Variants in KIRREL3 observed in about 807,000 individuals in gnomAD.
KIRREL3 encodes the protein kin of IRRE-like protein 3.
Under a neutral mutation model 89.7 loss-of-function variants are expected in KIRREL3, and 36 were observed. The ratio of observed to expected loss-of-function variants is 0.40; its 90% CI spans 0.31 to 0.53. The LOEUF is 0.53. KIRREL3 is among the 20% of genes least tolerant of loss of function. The probability of loss-of-function intolerance (pLI) is 0.49; values close to 1 mark genes in which losing one functional copy is unlikely to be tolerated. For synonymous variants in KIRREL3, 445 were observed against 441.4 expected (o/e 1.01, Z -0.10); for missense variants, 864 against 1,056.6 (o/e 0.82, Z 2.53).
intron 9 of KIRREL3, 38 bp from the exon 10 acceptor site, chr11:126,445,143 G>A (rs372996045): frequency 1.5e-4 from 239 of 1,609,568 alleles, no homozygotes; most frequent in Non-Finnish European, 1.8e-4. Context: ...AAGAGCAGGC[G>A]GAGGGGTGCA....
At chr11:126,552,516 C>G (rs141374662) in intron 2 of KIRREL3, among the ~76,000 whole-genome samples, 6 of 145,670 alleles carry the variant, frequency 4.1e-5, no homozygotes, top group African/African-American at 1.5e-4. Flanking sequence ...GCCCTGGTCC[C>G]GGGATCACTG....
chr11:126,444,847 G>C, intron 10 of KIRREL3, 132 bp downstream of exon 10: 1 of 1,218,840 alleles, frequency 8.2e-7, no homozygotes, highest in African/African-American at 1.5e-5. Flanking sequence ...CCTAATTGTT[G>C]TCTACCCATA....
chr11:126,444,530 T>C lies in KIRREL3; in HGVS notation c.1252+449A>G, dbSNP rs992310804. Among the ~76,000 whole-genome samples the C allele has an allele frequency of 5.9e-5, 9 of 152,104 alleles. No individual in the cohort carries two copies. The East Asian group carries it at 1.6e-3, about 26-fold the overall frequency. On this transcript the variant is annotated intron_variant, in intron 10 of 16. Transcript: ENST00000525144. The stretch of plus-strand genomic sequence containing the variant: ...GTCCCAGCTACTCAGGAAGGTGAGG[T>C]TGCAGTGAGCTGAGATCGTGCCACT...
In KIRREL3 at chr11:126,918,754, A is replaced by C. The variant is rs7928271; in HGVS notation, c.55+81701T>G. 0.072 allele frequency among the ~76,000 whole-genome samples: 10,959 copies of C among 152,234 alleles called. 485 individuals carry two copies. The highest frequency in any genetic ancestry group is 0.12 in the Middle Eastern group (35 of 294). ...AAAATCTTTTCCTGCATTGGATGCC[A>C]GGCAGCCATTGTAATCAATTGCAGG... is the stretch of plus-strand genomic sequence containing the variant. On this transcript the variant is annotated intron_variant, in intron 1 of 16. Coordinates refer to ENST00000525144, the MANE Select transcript of KIRREL3 (RefSeq NM_032531.4). This position sits in a 1 kb window ranked among gnomAD's most constrained non-coding sequence, Gnocchi z 6.5.
rs34526435 is a variant in KIRREL3, at chr11:126,785,872, C to CAAAAA, written c.55+214578_55+214582dup. 3.4e-4 allele frequency among the ~76,000 whole-genome samples: 13 copies of CAAAAA among 37,814 alleles called. No individual in the cohort carries two copies. The South Asian group carries it at 5.5e-3, about 16-fold the overall frequency. 24.8% of individuals were successfully genotyped at this position (37,814 alleles called of 152,430 possible). A position where few individuals can be genotyped will look rare whatever the true frequency, so the allele number is the denominator to read the frequency against. The stretch of plus-strand genomic sequence containing the variant: ...CTGGTGACACAGCGAGACTCCGTCT[C>CAAAAA]AAAAAAAAAAAAAAAAAAAAAAAAA... On this transcript the variant is annotated intron_variant, in intron 1 of 16. Coordinates refer to ENST00000525144, the MANE Select transcript of KIRREL3 (RefSeq NM_032531.4).
At chr11:126,932,376 G>C (rs527975820) in intron 1 of KIRREL3, among the ~76,000 whole-genome samples, 1 of 151,878 alleles carries the variant, frequency 6.6e-6, no homozygotes, top group Admixed American at 6.6e-5. Flanking sequence ...AAAGGGCAAA[G>C]CTCAATGCAT....
intron 1 of KIRREL3, among the ~76,000 whole-genome samples, chr11:126,925,301 C>T (rs1200044520): frequency 1.3e-5 from 2 of 152,202 alleles, no homozygotes; most frequent in East Asian, 3.9e-4. Flanking sequence ...CAGGCACACG[C>T]ATGAGGCAGC....
chr11:126,852,349 G>A (rs773611874), intron 1 of KIRREL3, among the ~76,000 whole-genome samples: 2 of 152,144 alleles, frequency 1.3e-5, no homozygotes, highest in Non-Finnish European at 2.9e-5. Context: ...ACCAGCGCCC[G>A]GCCGATCATG....
rs1949835544 is a variant in KIRREL3, at chr11:126,985,428, A to G, written c.55+15027T>C. On this transcript the variant is annotated intron_variant, in intron 1 of 16. Transcript: ENST00000525144. This position sits in a 1 kb window ranked among gnomAD's most constrained non-coding sequence, Gnocchi z 5.3. ...GAAACACTCCATGTGGATAAATCAT[A>G]GTAAGAGCCACAAAAGGCTTCCTGG... Among the ~76,000 whole-genome samples, 2 of 152,202 alleles carry G rather than the reference A, an allele frequency of 1.3e-5. No individual in the cohort carries two copies. Among genetic ancestry groups the G allele is most frequent in the South Asian group, 2.1e-4 (1 of 4,822 alleles).
rs766340819 is a variant in KIRREL3 at position 126,489,669 on chromosome 11, T to A, written c.434-16203A>T. Among the ~76,000 whole-genome samples, 6 of 152,112 alleles carry A rather than the reference T, an allele frequency of 3.9e-5. No homozygotes were observed. Among genetic ancestry groups the A allele is most frequent in the Admixed American group, 2.0e-4 (3 of 15,272 alleles). On this transcript the variant is annotated intron_variant, in intron 4 of 16. Transcript: ENST00000525144. This position sits in a 1 kb window ranked among gnomAD's most constrained non-coding sequence, Gnocchi z 5.5. The stretch of plus-strand genomic sequence containing the variant: ...GACCTTGGACGTGCCCCTTCCCCTC[T>A]GCATTCCCCACTCTCCACCTTCCAC...
intron 1 of KIRREL3, among the ~76,000 whole-genome samples, chr11:126,757,080 A>G (rs773272674): frequency 2.6e-5 from 4 of 152,206 alleles, no homozygotes; most frequent in Non-Finnish European, 5.9e-5. Context: ...GAGCATTGGC[A>G]ATCAAGCATA....
chr11:126,852,021 C>A (rs1336755323), intron 1 of KIRREL3, among the ~76,000 whole-genome samples: 1 of 149,074 alleles, frequency 6.7e-6, no homozygotes, highest in Non-Finnish European at 1.5e-5. Context: ...TCCATGAGCA[C>A]ATGAATTCAG....
At chr11:126,580,345 G>T (rs1941477295) in intron 1 of KIRREL3, among the ~76,000 whole-genome samples, 1 of 152,228 alleles carries the variant, frequency 6.6e-6, no homozygotes, top group Non-Finnish European at 1.5e-5. Flanking sequence ...GGCCAGGGAG[G>T]TCTTCGTGGA....
chr11:126,664,406 C>T lies in KIRREL3; in HGVS notation c.56-101494G>A, dbSNP rs943231179. On this transcript the variant is annotated intron_variant, in intron 1 of 16. Coordinates refer to ENST00000525144, the MANE Select transcript of KIRREL3 (RefSeq NM_032531.4). This position sits in a 1 kb window ranked among gnomAD's most constrained non-coding sequence, Gnocchi z 5.4. ...GAGAGTGAAGTCTAGTGAGACCACA[C>T]GGACATGGACTTTCCAGTGTTGAGA... is the stretch of plus-strand genomic sequence containing the variant. 1.3e-5 allele frequency among the ~76,000 whole-genome samples: 2 copies of T among 152,106 alleles called. No homozygotes were observed. Among genetic ancestry groups the T allele is most frequent in the East Asian group, 1.9e-4 (1 of 5,178 alleles).
intron 1 of KIRREL3, among the ~76,000 whole-genome samples, chr11:126,673,701 G>A (rs78132496): frequency 0.021 from 3,246 of 152,330 alleles, 50 homozygotes; most frequent in African/African-American, 0.034. Flanking sequence ...AGGGAGGAGT[G>A]TGGGGAATAG....
chr11:126,654,212 G>A (rs1945029151), intron 1 of KIRREL3, among the ~76,000 whole-genome samples: 1 of 152,142 alleles, frequency 6.6e-6, no homozygotes, highest in African/African-American at 2.4e-5. Flanking sequence ...CTCCACTGGG[G>A]ACACTGATTT....
chr11:126,624,370 T>C lies in KIRREL3; in HGVS notation c.56-61458A>G, dbSNP rs1002098074. Among the ~76,000 whole-genome samples the C allele has an allele frequency of 3.3e-5, 5 of 152,290 alleles. No homozygotes were observed. The highest frequency in any genetic ancestry group is 1.2e-4 in the African/African-American group (5 of 41,554). ...ACAAAACAAAACAAAACCTGAGGTA[T>C]TTCTTAGAACACGAAGCATGAATCA... On this transcript the variant is annotated intron_variant, in intron 1 of 16. Transcript: ENST00000525144. The surrounding 1 kb of genome is among the most constrained non-coding windows in gnomAD (Gnocchi z 6.0).
intron 1 of KIRREL3, among the ~76,000 whole-genome samples, chr11:126,657,274 A>AATCAATC (rs1555170333): frequency 6.7e-4 from 92 of 138,106 alleles, no homozygotes; most frequent in African/African-American, 2.2e-3. Context: ...ATAAATAAAT[A>AATCAATC]AATAAATCTT....
At position 126,666,585 on chromosome 11, in the gene KIRREL3, C is replaced by T. The variant is rs147932456; in HGVS notation, c.56-103673G>A. Among the ~76,000 whole-genome samples, 25 of 152,268 alleles carry T rather than the reference C, an allele frequency of 1.6e-4. No homozygotes were observed. Among genetic ancestry groups the T allele is most frequent in the African/African-American group, 5.5e-4 (23 of 41,548 alleles). On this transcript the variant is annotated intron_variant, in intron 1 of 16. Transcript: ENST00000525144. This position sits in a 1 kb window ranked among gnomAD's most constrained non-coding sequence, Gnocchi z 4.2. The stretch of plus-strand genomic sequence containing the variant: ...GAAACATTTTTTCTCACTTACATGG[C>T]ACAAGGAAAACAATATCAATGATTT...
Sources: allele counts gnomAD v4.1 joint callset (sites outside exome capture counted in the v4.1 genomes callset), GRCh38; gene constraint gnomAD v4.1.1; non-coding constraint Gnocchi (gnomAD v3.1); transcripts MANE v1.5; gene names NCBI Gene and HGNC (gene_info 2026-07-23, HGNC 2026-07-21).